The following AHCYL2 variants were observed in gnomAD, a reference collection of about 807,000 sequenced individuals.
AHCYL2 encodes the protein S-adenosylhomocysteine hydrolase-like protein 2.
Under a neutral mutation model 81.4 loss-of-function variants are expected in AHCYL2, and 28 were observed. The ratio of observed to expected loss-of-function variants is 0.34; its 90% confidence interval spans 0.25 to 0.47. The LOEUF (loss-of-function observed/expected upper bound fraction) is 0.47. Among genes scored for constraint, AHCYL2 ranks in the 20% least tolerant of loss-of-function variants. AHCYL2 has a pLI of 1.00. For missense variants in AHCYL2, 551 were observed against 785.1 expected, an observed-to-expected ratio of 0.70 and a Z score of 3.56; for synonymous variants, 272 against 290.2, an observed-to-expected ratio of 0.94 and a Z score of 0.64.
chr7:129,380,385 C>T (rs909219200), intron 2 of AHCYL2, among the ~76,000 whole-genome samples: 2 of 152,112 alleles, frequency 1.3e-5, no homozygotes, highest in African/African-American at 4.8e-5. Flanking sequence ...TAGTATGAGT[C>T]GGATTTAATA....
chr7:129,414,887 C>T (rs1361279749), intron 12 of AHCYL2, among the ~76,000 whole-genome samples: 1 of 152,162 alleles, frequency 6.6e-6, no homozygotes. Flanking sequence ...GATTGAGCTT[C>T]AGCATTGCCA....
rs959876850 is a variant in AHCYL2 at position 129,406,284 on chromosome 7, G to A, written c.1207-94G>A. ...GAATCTATTCAGTGAAATTCCTCTC[G>A]GGGGTGGAAAGAGGGGGTGCACTTT... On this transcript the variant is annotated intron_variant, in intron 9 of 16. Coordinates refer to ENST00000325006, the MANE Select transcript of AHCYL2 (RefSeq NM_015328.4). The surrounding 1 kb of genome is among the most constrained non-coding windows in gnomAD (Gnocchi z 4.3). 10 of 1,053,980 alleles carry A rather than the reference G, an allele frequency of 9.5e-6. No homozygotes were observed. Among genetic ancestry groups the A allele is most frequent in the Admixed American group, 3.8e-5 (2 of 51,958 alleles). 65.3% of individuals were successfully genotyped at this position (1,053,980 alleles called of 1,614,324 possible). A position where few individuals can be genotyped will look rare whatever the true frequency, so the allele number is the denominator to read the frequency against.
At chr7:129,238,939 A>G (rs1369432057) in intron 1 of AHCYL2, among the ~76,000 whole-genome samples, 1 of 152,164 alleles carries the variant, frequency 6.6e-6, no homozygotes, top group Non-Finnish European at 1.5e-5. Flanking sequence ...GCAACAGAGC[A>G]AAACTCCGTC....
At chr7:129,334,220 G>A (rs66538149) in intron 1 of AHCYL2, among the ~76,000 whole-genome samples, 35,636 of 152,092 alleles carry the variant, frequency 0.23, 4,324 homozygotes, top group South Asian at 0.37. Flanking sequence ...ATGAATATAA[G>A]TAAAAAACTA....
chr7:129,369,331 CT>C (rs1407175553), intron 1 of AHCYL2, among the ~76,000 whole-genome samples: 1 of 152,178 alleles, frequency 6.6e-6, no homozygotes, highest in Non-Finnish European at 1.5e-5. Context: ...CTATGGAAAA[CT>C]AGTTAGACTC....
chr7:129,286,012 T>C (rs1796617858), intron 1 of AHCYL2, among the ~76,000 whole-genome samples: 1 of 151,976 alleles, frequency 6.6e-6, no homozygotes, highest in Non-Finnish European at 1.5e-5. Context: ...ATGCCTGGCC[T>C]AAATCCTCTA....
chr7:129,229,797 T>C (rs1360547367), intron 1 of AHCYL2, among the ~76,000 whole-genome samples: 2 of 152,204 alleles, frequency 1.3e-5, no homozygotes, highest in Non-Finnish European at 2.9e-5. Flanking sequence ...AAGCATCTTA[T>C]ACAGAAAAGC....
At chr7:129,327,088 G>A (rs983623766) in intron 1 of AHCYL2, among the ~76,000 whole-genome samples, 16 of 152,192 alleles carry the variant, frequency 1.1e-4, no homozygotes, top group Admixed American at 2.0e-4. Flanking sequence ...TGGACTGAAT[G>A]TCTGTGTTCC....
chr7:129,286,257 A>AT (rs1334371280), intron 1 of AHCYL2, among the ~76,000 whole-genome samples: 7 of 151,396 alleles, frequency 4.6e-5, no homozygotes, highest in African/African-American at 1.2e-4. Flanking sequence ...TTTATTTTTT[A>AT]TTTTTTTGTG....
chr7:129,273,413 C>T (rs1027645847), intron 1 of AHCYL2, among the ~76,000 whole-genome samples: 1 of 148,360 alleles, frequency 6.7e-6, no homozygotes, highest in Non-Finnish European at 1.5e-5. Context: ...ACCGCAACCT[C>T]TGCCTCCCTG....
chr7:129,283,697 A>G (rs1284862360), intron 1 of AHCYL2, among the ~76,000 whole-genome samples: 6 of 152,148 alleles, frequency 3.9e-5, no homozygotes, highest in Non-Finnish European at 8.8e-5. Flanking sequence ...GAGGTTTAAT[A>G]TGTTCTATGG....
At chr7:129,369,155 A>G (rs1794248531) in intron 1 of AHCYL2, among the ~76,000 whole-genome samples, 1 of 152,198 alleles carries the variant, frequency 6.6e-6, no homozygotes, top group South Asian at 2.1e-4. Flanking sequence ...AATGATAATA[A>G]GGACTTATTT....
At chr7:129,238,133 T>C (rs533582043) in intron 1 of AHCYL2, among the ~76,000 whole-genome samples, 1 of 152,284 alleles carries the variant, frequency 6.6e-6, no homozygotes, top group South Asian at 2.1e-4. Flanking sequence ...AAAGTTGACA[T>C]TAACTGCGTT....
intron 2 of AHCYL2, among the ~76,000 whole-genome samples, chr7:129,384,661 C>T (rs1053780045): frequency 5.9e-5 from 9 of 152,198 alleles, no homozygotes; most frequent in Non-Finnish European, 1.2e-4. Flanking sequence ...CTTCCTAAGG[C>T]TCCTAGTACT....
intron 1 of AHCYL2, among the ~76,000 whole-genome samples, chr7:129,347,301 T>C (rs1264737041): frequency 6.6e-6 from 1 of 152,164 alleles, no homozygotes; most frequent in Non-Finnish European, 1.5e-5. Flanking sequence ...TAAAGATGCG[T>C]CAGTGTAGGC....
chr7:129,358,483 G>A (rs1410022450), intron 1 of AHCYL2, among the ~76,000 whole-genome samples: 1 of 152,098 alleles, frequency 6.6e-6, no homozygotes, highest in Non-Finnish European at 1.5e-5. Context: ...TAAGTGAAAT[G>A]TCAGTCACAA....
intron 1 of AHCYL2, among the ~76,000 whole-genome samples, chr7:129,324,229 T>C (rs191720491): frequency 2.2e-4 from 33 of 152,238 alleles, no homozygotes; most frequent in African/African-American, 7.7e-4. Context: ...TTTTCCATTC[T>C]TTTTCTTTCA....
chr7:129,246,389 A>G (rs1795058250), intron 1 of AHCYL2, among the ~76,000 whole-genome samples: 1 of 151,980 alleles, frequency 6.6e-6, no homozygotes, highest in Admixed American at 6.6e-5. Context: ...CACCTCCACA[A>G]TCCAGTTTCA....
intron 1 of AHCYL2, among the ~76,000 whole-genome samples, chr7:129,273,498 T>G (rs896359983): frequency 3.3e-5 from 5 of 151,870 alleles, no homozygotes; most frequent in African/African-American, 1.2e-4. Context: ...CTGGCTAATT[T>G]TGTATTTTTA....
Sources: gnomAD v4.1 joint callset for allele counts (sites outside exome capture counted in the v4.1 genomes callset) on GRCh38, gnomAD v4.1.1 for gene constraint, Gnocchi (gnomAD v3.1) non-coding constraint, MANE v1.5 for transcripts, NCBI Gene and HGNC (gene_info 2026-07-23, HGNC 2026-07-21) for gene names.